FAM167B: variants seen among roughly 807,000 people sequenced by gnomAD.
FAM167B encodes the protein family with sequence similarity 167 member B.
In FAM167B, 7 loss-of-function variants were observed where a neutral mutation model predicts 15.4. That is an observed-to-expected ratio of 0.46 (90% confidence interval 0.26 to 0.86). The LOEUF (loss-of-function observed/expected upper bound fraction) is 0.86. Ranked by LOEUF, FAM167B falls within the 40% of genes least tolerant of loss-of-function variation. The pLI is 0.17. For missense variants in FAM167B, 207 were observed against 208.3 expected (o/e 0.99, Z 0.04); for synonymous variants, 100 against 94.6 (o/e 1.06, Z -0.33).
chr1:32,248,301 T>C (rs905661840), intron 1 of FAM167B, 70 bp from the exon 2 acceptor site: 1 of 1,325,184 alleles, frequency 7.5e-7, no homozygotes, highest in Admixed American at 2.3e-5. Context: ...GGCCCAGCGT[T>C]GCCAGGAAGG....
Position 32,248,456 on chromosome 1 carries a change from C to G in FAM167B, c.347C>G (p.Ala116Gly). The change falls in exon 2 of 2, where the codon GCC becomes GGC. Residue 116 changes from alanine (A) to glycine (G), a missense_variant. Physicochemically the swap from Ala to Gly is moderately conservative, Grantham distance 60 (BLOSUM62 0). Transcript: ENST00000373582. ...CTGCACCGACTGAAGATGGACCAAGCCTGTCACCTGCACCAGGAGCTGCTG... is the reference window on the plus strand; with the variant it reads ...CTGCACCGACTGAAGATGGACCAAGGCTGTCACCTGCACCAGGAGCTGCTG... The part of the protein sequence containing the change: ...AQLHRLKMDQ[A>G]CHLHQELLDE... The G allele has an allele frequency of 6.2e-7, 1 of 1,606,404 alleles. No individual in the cohort carries two copies. Among genetic ancestry groups the G allele is most frequent in the Non-Finnish European group, 8.5e-7 (1 of 1,178,216 alleles).
rs1341392648 is a variant in FAM167B at position 32,247,481 on chromosome 1, G to C, written c.60G>C (p.Glu20Asp). The C allele has an allele frequency of 6.2e-7, 1 of 1,602,636 alleles. No individual in the cohort carries two copies. Among genetic ancestry groups the C allele is most frequent in the Middle Eastern group, 1.7e-4 (1 of 6,028 alleles). The part of the protein sequence containing the change: ...AVGEEDEEDE[E>D]GESLDSVKAL... ...GTGAAGAGGACGAGGAGGATGAGGA[G>C]GGGGAGAGCCTGGACTCTGTGAAGG... Residue 20 changes from glutamate to aspartate, a missense_variant, in exon 1 of 2, where the codon GAG becomes GAC. Coordinates refer to ENST00000373582, the MANE Select transcript of FAM167B (RefSeq NM_032648.3).
Position 32,247,517 on chromosome 1 carries a change from C to G in FAM167B, c.96C>G (p.Ala32=). ...ESLDSVKALT[A]KLQLQTRRPS... ...TGGACTCTGTGAAGGCACTGACAGC[C>G]AAGCTGCAGCTGCAGACTCGGCGGC... Residue 32 remains alanine (A), a synonymous_variant, in exon 1 of 2, where the codon GCC becomes GCG. Coordinates refer to ENST00000373582, the MANE Select transcript of FAM167B (RefSeq NM_032648.3). 4 of 1,608,534 alleles carry G rather than the reference C, an allele frequency of 2.5e-6. No individual in the cohort carries two copies. The highest frequency in any genetic ancestry group is 3.4e-6 in the Non-Finnish European group (4 of 1,177,358).
At chr1:32,248,338 G>C in intron 1 of FAM167B, 33 bp from the exon 2 acceptor site, 1 of 1,522,180 alleles carries the variant, frequency 6.6e-7, no homozygotes, top group Non-Finnish European at 8.8e-7. Context: ...CCGAGGGCCT[G>C]TCCAGTAGGC....
In FAM167B at chr1:32,247,262, ACAT is replaced by A; in HGVS notation, c.-159_-157del. 1.1e-6 allele frequency: 1 copy of A among 908,894 alleles called. No individual in the cohort carries two copies. The highest frequency in any genetic ancestry group is 1.6e-6 in the Non-Finnish European group (1 of 643,250). 56.3% of individuals were successfully genotyped at this position (908,894 alleles called of 1,614,324 possible). ...CACCCATCTGCTCACTCACCCTGGC[ACAT>A]TCAGCCCCCCTAACCCACCTTGAAC... On this transcript the variant is annotated 5_prime_UTR_variant, in exon 1 of 2. Coordinates refer to ENST00000373582, the MANE Select transcript of FAM167B (RefSeq NM_032648.3).
At position 32,247,487 on chromosome 1, in the gene FAM167B, G is replaced by GT; in HGVS notation, c.66_67insT (p.Ser23Ter). The GT allele has an allele frequency of 6.2e-7, 1 of 1,604,562 alleles. No individual in the cohort carries two copies. Among genetic ancestry groups the GT allele is most frequent in the Non-Finnish European group, 8.5e-7 (1 of 1,175,528 alleles). ...AGGACGAGGAGGATGAGGAGGGGGA[G>GT]AGCCTGGACTCTGTGAAGGCACTGA... is the stretch of plus-strand genomic sequence containing the variant. On this transcript the variant is annotated frameshift_variant, in exon 1 of 2. Transcript: ENST00000373582. LOFTEE classifies it high-confidence loss of function.
chr1:32,247,975 T>C (rs997141622), intron 1 of FAM167B, among the ~76,000 whole-genome samples: 2 of 152,184 alleles, frequency 1.3e-5, no homozygotes, highest in African/African-American at 4.8e-5. Flanking sequence ...ATACACAGCC[T>C]CCCCTACTCT....
rs1041035694 is a variant in FAM167B at position 32,247,331 on chromosome 1, C to A, written c.-91C>A. On this transcript the variant is annotated 5_prime_UTR_variant, in exon 1 of 2. Coordinates refer to ENST00000373582, the MANE Select transcript of FAM167B (RefSeq NM_032648.3). Reference sequence around the variant, plus strand: ...CTCCCTGGCACGCTCTTCTCACCCTCAACTTCTGCCACCTCTCCCTGGGCA... The same window carrying A: ...CTCCCTGGCACGCTCTTCTCACCCTAAACTTCTGCCACCTCTCCCTGGGCA... 10 of 1,447,062 alleles carry A rather than the reference C, an allele frequency of 6.9e-6. No homozygotes were observed. Among genetic ancestry groups the A allele is most frequent in the Non-Finnish European group, 9.1e-6 (10 of 1,095,324 alleles). The allele number at this position is 1,447,062 out of a possible 1,614,324, so 89.6% of individuals were successfully genotyped here. A position where few individuals can be genotyped will look rare whatever the true frequency, so the allele number is the denominator to read the frequency against.
chr1:32,248,551 C>T lies in FAM167B; in HGVS notation c.442C>T (p.Leu148=). 1 of 1,553,306 alleles carries T rather than the reference C, an allele frequency of 6.4e-7. No homozygotes were observed. Among genetic ancestry groups the T allele is most frequent in the Non-Finnish European group, 8.7e-7 (1 of 1,150,896 alleles). The part of the protein sequence containing the change: ...GLALAPLLRH[L]GLTRMNISAR... The stretch of plus-strand genomic sequence containing the variant: ...AGCCCTGGCCCCGCTGCTGCGGCAC[C>T]TGGGCCTCACGCGCATGAACATCAG... The change falls in exon 2 of 2, where the codon CTG becomes TTG. Residue 148 remains leucine, a synonymous_variant. Transcript: ENST00000373582.
Position 32,248,500 on chromosome 1 carries a change from C to T in FAM167B, c.391C>T (p.Leu131=). The change falls in exon 2 of 2, where the codon CTG becomes TTG. Residue 131 remains leucine, a synonymous_variant. Coordinates refer to ENST00000373582, the MANE Select transcript of FAM167B (RefSeq NM_032648.3). ...QELLDEAELE[L]ELEPGAGLAL... ...GCTGCTGGATGAGGCCGAGCTGGAG[C>T]TGGAGCTGGAGCCCGGGGCCGGCCT... 6.3e-7 allele frequency: 1 copy of T among 1,586,440 alleles called. No homozygotes were observed. Among genetic ancestry groups the T allele is most frequent in the Non-Finnish European group, 8.6e-7 (1 of 1,168,640 alleles).
Position 32,247,542 on chromosome 1 carries a change from C to T in FAM167B, c.121C>T (p.Pro41Ser), listed in dbSNP as rs1569879403. ...TAKLQLQTRRPSYLEWTAQVQ... is the reference protein window; with the variant it reads ...TAKLQLQTRRSSYLEWTAQVQ... ...CAAGCTGCAGCTGCAGACTCGGCGG[C>T]CCTCATATCTGGAGTGGACAGCCCA... is the stretch of plus-strand genomic sequence containing the variant. The change falls in exon 1 of 2, where the codon CCC (proline) becomes TCC (serine). Residue 41 changes from proline (P) to serine (S), a missense_variant. By Grantham distance (74) the Pro-to-Ser change is moderately conservative. Coordinates refer to ENST00000373582, the MANE Select transcript of FAM167B (RefSeq NM_032648.3). 6.2e-7 allele frequency: 1 copy of T among 1,606,956 alleles called. No homozygotes were observed. The highest frequency in any genetic ancestry group is 8.5e-7 in the Non-Finnish European group (1 of 1,176,542).
At position 32,247,667 on chromosome 1, in the gene FAM167B, G is replaced by A; in HGVS notation, c.246G>A (p.Trp82Ter). ...GFDSMDSALEWLRRELREMQA... is the reference protein window; with the variant it reads ...GFDSMDSALE ...ACTCAATGGACTCCGCCCTTGAGTG[G>A]CTCCGACGGGAGCTGGTGAGTCTGG... is the stretch of plus-strand genomic sequence containing the variant. Residue 82 changes from tryptophan to a stop codon, truncating the protein, a stop_gained, in exon 1 of 2, where the codon TGG becomes TGA. Coordinates refer to ENST00000373582, the MANE Select transcript of FAM167B (RefSeq NM_032648.3). LOFTEE classifies it high-confidence loss of function. 1 of 1,470,634 alleles carries A rather than the reference G, an allele frequency of 6.8e-7. No homozygotes were observed. The highest frequency in any genetic ancestry group is 9.0e-7 in the Non-Finnish European group (1 of 1,107,658). 91.1% of individuals were successfully genotyped at this position (1,470,634 alleles called of 1,614,324 possible).
Position 32,248,499 on chromosome 1 carries a change from G to A in FAM167B, c.390G>A (p.Glu130=), listed in dbSNP as rs1302402240. 3.8e-6 allele frequency: 6 copies of A among 1,586,110 alleles called. No homozygotes were observed. The highest frequency in any genetic ancestry group is 5.1e-6 in the Non-Finnish European group (6 of 1,168,522). The change falls in exon 2 of 2, where the codon GAG becomes GAA. Residue 130 remains glutamate (E), a synonymous_variant. Coordinates refer to ENST00000373582, the MANE Select transcript of FAM167B (RefSeq NM_032648.3). ...HQELLDEAEL[E]LELEPGAGLA... is the part of the protein sequence containing the mutation. ...AGCTGCTGGATGAGGCCGAGCTGGA[G>A]CTGGAGCTGGAGCCCGGGGCCGGCC...
intron 1 of FAM167B, 98 bp from the exon 2 acceptor site, chr1:32,248,273 G>A: frequency 2.0e-6 from 2 of 978,662 alleles, no homozygotes; most frequent in Non-Finnish European, 3.0e-6. Context: ...GGGCTGGGGA[G>A]GACACAGTCA....
Position 32,248,411 on chromosome 1 carries a change from T to C in FAM167B, c.302T>C (p.Leu101Pro). ...CAGGACAGGCAGCTGGCAGGGCAGC[T>C]GCTGCGGCTGCGGGCCCAGCTGCAC... ...QAQDRQLAGQ[L>P]LRLRAQLHRL... Residue 101 changes from leucine (L) to proline (P), a missense_variant, in exon 2 of 2, where the codon CTG becomes CCG. Leu to Pro is a moderately conservative substitution (Grantham distance 98). Transcript: ENST00000373582. 1 of 1,597,832 alleles carries C rather than the reference T, an allele frequency of 6.3e-7. No individual in the cohort carries two copies. The highest frequency in any genetic ancestry group is 8.5e-7 in the Non-Finnish European group (1 of 1,176,220).
chr1:32,248,330 G>T, intron 1 of FAM167B, 41 bp from the exon 2 acceptor site: 1 of 1,490,916 alleles, frequency 6.7e-7, no homozygotes, highest in South Asian at 1.3e-5. Context: ...GCGCGCGGCC[G>T]AGGGCCTGTC....
At position 32,248,402 on chromosome 1, in the gene FAM167B, C is replaced by T. The variant is rs1366940861; in HGVS notation, c.293C>T (p.Ala98Val). Residue 98 changes from alanine (A) to valine (V), a missense_variant, in exon 2 of 2, where the codon GCA becomes GTA. Coordinates refer to ENST00000373582, the MANE Select transcript of FAM167B (RefSeq NM_032648.3). Reference sequence around the variant, plus strand: ...ATGCAGGCGCAGGACAGGCAGCTGGCAGGGCAGCTGCTGCGGCTGCGGGCC... The same window carrying T: ...ATGCAGGCGCAGGACAGGCAGCTGGTAGGGCAGCTGCTGCGGCTGCGGGCC... ...REMQAQDRQL[A>V]GQLLRLRAQL... The T allele has an allele frequency of 6.3e-7, 1 of 1,594,414 alleles. No individual in the cohort carries two copies. The highest frequency in any genetic ancestry group is 8.5e-7 in the Non-Finnish European group (1 of 1,175,226).
intron 1 of FAM167B, 63 bp downstream of exon 1, chr1:32,247,745 A>G: frequency 7.1e-7 from 1 of 1,410,356 alleles, no homozygotes. Flanking sequence ...TTAGGGTCCA[A>G]GACCACAGGC....
rs1639436467 is a variant in FAM167B at position 32,248,396 on chromosome 1, A to AGCG, written c.289_290insGGC (p.Gln96_Leu97insArg). 2 of 1,592,220 alleles carry AGCG rather than the reference A, an allele frequency of 1.3e-6. No homozygotes were observed. The highest frequency in any genetic ancestry group is 3.5e-5 in the Admixed American group (2 of 57,176). On this transcript the variant is annotated inframe_insertion, in exon 2 of 2. Transcript: ENST00000373582. Reference sequence around the variant, plus strand: ...CGGGAGATGCAGGCGCAGGACAGGCAGCTGGCAGGGCAGCTGCTGCGGCTG... The same window carrying AGCG: ...CGGGAGATGCAGGCGCAGGACAGGCAGCGGCTGGCAGGGCAGCTGCTGCGGCTG...
Sources: allele counts gnomAD v4.1 joint callset (sites outside exome capture counted in the v4.1 genomes callset), GRCh38; gene constraint gnomAD v4.1.1; transcripts MANE v1.5; gene names NCBI Gene and HGNC (gene_info 2026-07-23, HGNC 2026-07-21).